Variants in EHHADH observed in about 807,000 individuals in gnomAD.
EHHADH encodes the protein enoyl-CoA hydratase and 3-hydroxyacyl CoA dehydrogenase.
Under a neutral mutation model 64.4 loss-of-function variants are expected in EHHADH, and 48 were observed. The ratio of observed to expected loss-of-function variants is 0.75; its 90% confidence interval spans 0.59 to 0.95. EHHADH has a LOEUF of 0.95. Among genes scored for constraint, EHHADH ranks in the 40% least tolerant of loss-of-function variants. EHHADH has a pLI of 0.00. For missense variants in EHHADH, 854 were observed against 876.6 expected, an observed-to-expected ratio of 0.97 and a Z score of 0.33; for synonymous variants, 308 against 326.7, an observed-to-expected ratio of 0.94 and a Z score of 0.62.
At chr3:185,236,098 TA>T (rs879508108) in intron 2 of EHHADH, among the ~76,000 whole-genome samples, 6 of 152,176 alleles carry the variant, frequency 3.9e-5, no homozygotes, top group Non-Finnish European at 8.8e-5. Context: ...CACGCAAAAT[TA>T]AAAAGAACAT....
intron 3 of EHHADH, among the ~76,000 whole-genome samples, chr3:185,232,128 G>A (rs1719150671): frequency 6.6e-6 from 1 of 152,032 alleles, no homozygotes; most frequent in East Asian, 1.9e-4. Context: ...ACTTAAATGC[G>A]GACTGCCATT....
At chr3:185,248,845 A>G (rs909812282) in intron 1 of EHHADH, among the ~76,000 whole-genome samples, 16 of 152,230 alleles carry the variant, frequency 1.1e-4, no homozygotes, top group Admixed American at 3.9e-4. Flanking sequence ...CATGTCTTCT[A>G]TATATTGTAC....
intron 5 of EHHADH, among the ~76,000 whole-genome samples, chr3:185,211,036 G>A (rs978283039): frequency 1.8e-4 from 27 of 152,120 alleles, no homozygotes; most frequent in African/African-American, 6.3e-4. Context: ...TTTTGGATCC[G>A]GGCACAATCA....
intron 6 of EHHADH, among the ~76,000 whole-genome samples, chr3:185,194,301 A>G (rs1171159422): frequency 6.6e-6 from 1 of 152,014 alleles, no homozygotes; most frequent in Non-Finnish European, 1.5e-5. Context: ...TGAGACTCCA[A>G]CTCTATAAAA....
chr3:185,192,950 C>T lies in EHHADH; in HGVS notation c.1448G>A (p.Arg483Gln), dbSNP rs79582353. The T allele has an allele frequency of 7.2e-4, 1,158 of 1,614,172 alleles. 8 individuals carry two copies. In the African/African-American group the frequency reaches 0.013, roughly 18 times the overall value. Residue 483 changes from arginine (R) to glutamine (Q), a missense_variant, in exon 7 of 7, where the codon CGA (arginine) becomes CAA (glutamine). Arg to Gln is a conservative substitution (Grantham distance 43). Coordinates refer to ENST00000231887, the MANE Select transcript of EHHADH (RefSeq NM_001966.4). ...CTGATTGTAGTAAGGATTCAACATTCGATTCCCCACAAATCCAAAACAGTT... is the reference window on the plus strand; with the variant it reads ...CTGATTGTAGTAAGGATTCAACATTTGATTCCCCACAAATCCAAAACAGTT... ...VGNCFGFVGN[R>Q]MLNPYYNQAY...
chr3:185,246,044 T>C, intron 2 of EHHADH: 1 of 1,290,570 alleles, frequency 7.7e-7, no homozygotes, highest in Non-Finnish European at 1.1e-6. Context: ...TTCATCCTCA[T>C]CTGGGAACTT....
At chr3:185,200,945 A>C (rs1312973144) in intron 6 of EHHADH, among the ~76,000 whole-genome samples, 1 of 152,156 alleles carries the variant, frequency 6.6e-6, no homozygotes, top group African/African-American at 2.4e-5. Flanking sequence ...TGGAGTTTGG[A>C]GACTTTGGCC....
In EHHADH at chr3:185,204,409, G is replaced by A. The variant is rs17283799; in HGVS notation, c.910+7C>T. On this transcript the variant is annotated splice_region_variant and intron_variant, in intron 6 of 6. Coordinates refer to ENST00000231887, the MANE Select transcript of EHHADH (RefSeq NM_001966.4). ...GGAGGATTCCATTCATTACCCCATGGTCTTACCAACAACACCAACTGAGGA... is the reference window on the plus strand; with the variant it reads ...GGAGGATTCCATTCATTACCCCATGATCTTACCAACAACACCAACTGAGGA... The A allele has an allele frequency of 9.4e-6, 15 of 1,592,938 alleles. No homozygotes were observed.
intron 5 of EHHADH, among the ~76,000 whole-genome samples, chr3:185,208,488 C>T (rs1718456629): frequency 6.6e-6 from 1 of 152,170 alleles, no homozygotes; most frequent in African/African-American, 2.4e-5. Context: ...TGCAGTTAGA[C>T]TTACTAGAAT....
chr3:185,241,646 A>AT (rs902456662), intron 2 of EHHADH, among the ~76,000 whole-genome samples: 8 of 150,072 alleles, frequency 5.3e-5, no homozygotes, highest in Admixed American at 2.0e-4. Context: ...TTTTAATGGG[A>AT]TTTTTTTTTC....
Position 185,207,818 on chromosome 3 carries a change from C to T in EHHADH, c.569-3061G>A, listed in dbSNP as rs535751652. Among the ~76,000 whole-genome samples the T allele has an allele frequency of 5.3e-5, 8 of 152,246 alleles. No individual in the cohort carries two copies. In the East Asian group the frequency reaches 1.5e-3, roughly 29 times the overall value. ...GCACAGCAATAGAAAATATAATTGG[C>T]ACATCAAATATCAAATAAAGAACTT... On this transcript the variant is annotated intron_variant, in intron 5 of 6. Coordinates refer to ENST00000231887, the MANE Select transcript of EHHADH (RefSeq NM_001966.4).
At chr3:185,250,070 T>G (rs1346990081) in intron 1 of EHHADH, among the ~76,000 whole-genome samples, 1 of 152,178 alleles carries the variant, frequency 6.6e-6, no homozygotes, top group African/African-American at 2.4e-5. Context: ...CCCTGTTGAT[T>G]GTGGAGCAGC....
intron 2 of EHHADH, among the ~76,000 whole-genome samples, chr3:185,241,241 A>C (rs1037277556): frequency 6.6e-6 from 1 of 152,148 alleles, no homozygotes; most frequent in African/African-American, 2.4e-5. Flanking sequence ...ACAATTTTGC[A>C]ACTGCAAATT....
intron 2 of EHHADH, 132 bp from the exon 3 acceptor site, chr3:185,235,594 G>T (rs1719269452): frequency 2.7e-6 from 2 of 731,090 alleles, no homozygotes; most frequent in East Asian, 3.3e-5. Flanking sequence ...TAGAGTTCCT[G>T]ATGACTAAAG....
chr3:185,235,308 A>G lies in EHHADH; in HGVS notation c.333T>C (p.Tyr111=), dbSNP rs1196632038. Residue 111 remains tyrosine, a synonymous_variant, in exon 3 of 7, where the codon TAT becomes TAC. Coordinates refer to ENST00000231887, the MANE Select transcript of EHHADH (RefSeq NM_001966.4). ...TTGTTACCTCTGCGTGGGCAATCCT[A>G]TAGTGACAGCCCAGGGCCAGCTCTA... is the stretch of plus-strand genomic sequence containing the variant. ...GGLELALGCH[Y]RIAHAEAQVG... 3 of 1,613,184 alleles carry G rather than the reference A, an allele frequency of 1.9e-6. No homozygotes were observed. In the Admixed American group the frequency reaches 5.0e-5, roughly 27 times the overall value.
intron 5 of EHHADH, among the ~76,000 whole-genome samples, chr3:185,214,257 G>A (rs1283538715): frequency 6.6e-6 from 1 of 152,154 alleles, no homozygotes; most frequent in Non-Finnish European, 1.5e-5. Context: ...TTGTTGCAAG[G>A]ACAAATAACT....
chr3:185,217,086 T>A (rs535725600), intron 5 of EHHADH, among the ~76,000 whole-genome samples: 19 of 152,136 alleles, frequency 1.2e-4, no homozygotes, highest in Non-Finnish European at 2.5e-4. Flanking sequence ...ATGGTTTAGA[T>A]GTGTGTCCGC....
chr3:185,204,860 C>G, intron 5 of EHHADH, 103 bp from the exon 6 acceptor site: 1 of 931,760 alleles, frequency 1.1e-6, no homozygotes, highest in Non-Finnish European at 1.6e-6. Context: ...AAAGCACAAA[C>G]TAAAAGCTAT....
At position 185,248,466 on chromosome 3, in the gene EHHADH, G is replaced by C. The variant is rs1232343760; in HGVS notation, c.126C>G (p.Asp42Glu). 1.2e-6 allele frequency: 2 copies of C among 1,614,060 alleles called. No individual in the cohort carries two copies. Among genetic ancestry groups the C allele is most frequent in the South Asian group, 2.2e-5 (2 of 91,058 alleles). The change falls in exon 2 of 7, where the codon GAC becomes GAG. Residue 42 changes from aspartate (D) to glutamate (E), a missense_variant. By Grantham distance (45) the Asp-to-Glu change is conservative. Transcript: ENST00000231887. ...IKEGLQKAVI[D>E]HTIKAIVICG... ...AAATCACAATGGCTTTTATTGTATGGTCTATTACAGCTTTCTGTAGTCCTT... is the reference window on the plus strand; with the variant it reads ...AAATCACAATGGCTTTTATTGTATGCTCTATTACAGCTTTCTGTAGTCCTT...
Sources: gnomAD v4.1 joint callset for allele counts (sites outside exome capture counted in the v4.1 genomes callset) on GRCh38, gnomAD v4.1.1 for gene constraint, MANE v1.5 for transcripts, NCBI Gene and HGNC (gene_info 2026-07-23, HGNC 2026-07-21) for gene names.